Variants in UGGT2 observed in about 807,000 individuals in gnomAD.
UGGT2 encodes the protein UDP-glucose:glycoprotein glucosyltransferase 2.
In UGGT2, 180 loss-of-function variants were observed where a neutral mutation model predicts 192.1. The ratio of observed to expected loss-of-function variants is 0.94; its 90% CI spans 0.83 to 1.06. The LOEUF is 1.06. UGGT2 is among the 50% of genes least tolerant of loss of function. The pLI is 0.00. For missense variants in UGGT2, 1,849 were observed against 1,795.7 expected (o/e 1.03, Z -0.54); for synonymous variants, 580 against 591.0 (o/e 0.98, Z 0.27).
At chr13:95,860,591 G>A (rs938736893) in intron 32 of UGGT2, among the ~76,000 whole-genome samples, 197 bp downstream of exon 32, 2 of 147,572 alleles carry the variant, frequency 1.4e-5, no homozygotes, top group Non-Finnish European at 3.0e-5. Context: ...ATATATTTAC[G>A]TGTGTGTGTG....
intron 29 of UGGT2, among the ~76,000 whole-genome samples, chr13:95,875,814 G>A (rs953829848): frequency 6.6e-6 from 1 of 152,068 alleles, no homozygotes; most frequent in African/African-American, 2.4e-5. Flanking sequence ...CAGTATAAAG[G>A]GGAAAGAGTG....
At chr13:95,869,969 T>C (rs1000086730) in intron 29 of UGGT2, among the ~76,000 whole-genome samples, 1 of 152,222 alleles carries the variant, frequency 6.6e-6, no homozygotes, top group Non-Finnish European at 1.5e-5. Context: ...ACAATTTATA[T>C]TTTCAGAGAA....
intron 10 of UGGT2, among the ~76,000 whole-genome samples, chr13:95,980,614 C>CA (rs1566789375): frequency 1.3e-5 from 2 of 152,136 alleles, no homozygotes; most frequent in Non-Finnish European, 2.9e-5. Context: ...TTAAAACAAA[C>CA]AACTGATCAA....
chr13:95,871,784 G>A (rs1458387670), intron 29 of UGGT2, among the ~76,000 whole-genome samples: 1 of 152,168 alleles, frequency 6.6e-6, no homozygotes, highest in East Asian at 1.9e-4. Context: ...GCAACCAGGA[G>A]GTATGAGGAG....
chr13:95,931,986 C>T (rs2049296690), intron 17 of UGGT2, among the ~76,000 whole-genome samples: 1 of 152,158 alleles, frequency 6.6e-6, no homozygotes, highest in Non-Finnish European at 1.5e-5. Flanking sequence ...CACATTGTCA[C>T]CTCTCAATAT....
At chr13:96,015,555 G>T (rs1474637035) in intron 4 of UGGT2, among the ~76,000 whole-genome samples, 1 of 152,036 alleles carries the variant, frequency 6.6e-6, no homozygotes, top group Non-Finnish European at 1.5e-5. Context: ...AGGATGGCTG[G>T]ATAAGAGGAA....
At chr13:95,891,944 T>G (rs1481697054) in intron 24 of UGGT2, among the ~76,000 whole-genome samples, 1 of 152,122 alleles carries the variant, frequency 6.6e-6, no homozygotes, top group Non-Finnish European at 1.5e-5. Flanking sequence ...ACGATTTAAT[T>G]ATCTTAAAAT....
Position 95,999,229 on chromosome 13 carries a change from C to A in UGGT2, c.739G>T (p.Asp247Tyr). ...AACTTACTTTTAACTTGGGTATCAT[C>A]CAGTGCTTTGTATTCTGTACTCTTA... ...AIKSTEYKAL[D>Y]DTQVKTVTNT... The change falls in exon 6 of 39, where the codon GAT becomes TAT. Residue 247 changes from aspartate to tyrosine, a missense_variant. By Grantham distance (160) the Asp-to-Tyr change is radical. Transcript: ENST00000376747. 6.2e-7 allele frequency: 1 copy of A among 1,613,406 alleles called. No individual in the cohort carries two copies. Among genetic ancestry groups the A allele is most frequent in the Non-Finnish European group, 8.5e-7 (1 of 1,179,576 alleles).
intron 38 of UGGT2, among the ~76,000 whole-genome samples, chr13:95,817,639 C>T (rs1408926379): frequency 6.6e-6 from 1 of 151,902 alleles, no homozygotes; most frequent in Non-Finnish European, 1.5e-5. Flanking sequence ...AAATATATAC[C>T]TAAAACTTAC....
At chr13:96,028,936 G>A (rs577851882) in intron 2 of UGGT2, among the ~76,000 whole-genome samples, 7 of 152,082 alleles carry the variant, frequency 4.6e-5, no homozygotes, top group East Asian at 3.9e-4. Context: ...ACGAGGTCAC[G>A]AGATCGAGAC....
intron 19 of UGGT2, among the ~76,000 whole-genome samples, chr13:95,926,086 T>G (rs2049007089): frequency 6.6e-6 from 1 of 152,044 alleles, no homozygotes; most frequent in African/African-American, 2.4e-5. Context: ...TAAGCAAATC[T>G]GCCTTCTAGC....
intron 11 of UGGT2, among the ~76,000 whole-genome samples, chr13:95,970,638 TA>T: frequency 6.6e-6 from 1 of 152,124 alleles, no homozygotes; most frequent in East Asian, 1.9e-4. Context: ...AGACATAAAG[TA>T]TAAAATTCTA....
intron 35 of UGGT2, among the ~76,000 whole-genome samples, 180 bp downstream of exon 35, chr13:95,854,135 G>T (rs1282586227): frequency 6.6e-6 from 1 of 152,124 alleles, no homozygotes; most frequent in Non-Finnish European, 1.5e-5. Context: ...TTGTCATAAA[G>T]ATTTTATGAC....
chr13:95,860,200 A>T (rs1291297625), intron 32 of UGGT2, among the ~76,000 whole-genome samples: 1 of 151,914 alleles, frequency 6.6e-6, no homozygotes, highest in African/African-American at 2.4e-5. Flanking sequence ...TAAACTGTTT[A>T]AAAATAGCCT....
At chr13:96,049,713 T>C (rs1302802618) in intron 1 of UGGT2, among the ~76,000 whole-genome samples, 4 of 152,054 alleles carry the variant, frequency 2.6e-5, no homozygotes, top group African/African-American at 9.7e-5. Context: ...AAATCATGAG[T>C]GAACTCCCAT....
chr13:95,954,817 C>CA (rs2050166450), intron 12 of UGGT2, among the ~76,000 whole-genome samples: 1 of 152,218 alleles, frequency 6.6e-6, no homozygotes, highest in African/African-American at 2.4e-5. Flanking sequence ...AGGGCTGTGT[C>CA]ACAGGCCACT....
chr13:95,918,582 A>G (rs1009890785), intron 20 of UGGT2, among the ~76,000 whole-genome samples: 1 of 152,014 alleles, frequency 6.6e-6, no homozygotes, highest in African/African-American at 2.4e-5. Flanking sequence ...AAATCAACCA[A>G]TCCAGGACCT....
At chr13:95,884,190 CCT>C (rs1393579634) in intron 27 of UGGT2, among the ~76,000 whole-genome samples, 1 of 151,848 alleles carries the variant, frequency 6.6e-6, no homozygotes, top group African/African-American at 2.4e-5. Context: ...GCCAGGTGTT[CCT>C]CTCTATATTT....
chr13:95,916,074 G>A (rs973814565), intron 20 of UGGT2, among the ~76,000 whole-genome samples: 1 of 152,170 alleles, frequency 6.6e-6, no homozygotes, highest in Non-Finnish European at 1.5e-5. Flanking sequence ...CTTTAAGCAG[G>A]TCCCTGATCC....
Sources: allele counts gnomAD v4.1 joint callset (sites outside exome capture counted in the v4.1 genomes callset), GRCh38; gene constraint gnomAD v4.1.1; transcripts MANE v1.5; gene names NCBI Gene and HGNC (gene_info 2026-07-23, HGNC 2026-07-21).